SLC24A3: variants seen among roughly 807,000 people sequenced by gnomAD.
The protein encoded by SLC24A3 is solute carrier family 24 member 3.
Under a neutral mutation model 75.8 loss-of-function variants are expected in SLC24A3, and 28 were observed. The observed-to-expected ratio is 0.37, with a 90% confidence interval of 0.27 to 0.51. The LOEUF (loss-of-function observed/expected upper bound fraction) is 0.51, where lower values mean the gene tolerates loss of function less well. SLC24A3 is among the 20% of genes least tolerant of loss of function. The probability of loss-of-function intolerance (pLI) is 0.94; values close to 1 mark genes in which losing one functional copy is unlikely to be tolerated. For missense variants in SLC24A3, 663 were observed against 847.8 expected, an observed-to-expected ratio of 0.78 and a Z score of 2.71; for synonymous variants, 372 against 334.1, an observed-to-expected ratio of 1.11 and a Z score of -1.24.
intron 2 of SLC24A3, among the ~76,000 whole-genome samples, chr20:19,352,832 T>C (rs141325617): frequency 2.4e-4 from 36 of 152,354 alleles, no homozygotes; most frequent in African/African-American, 6.5e-4. Flanking sequence ...TTTATTGTCA[T>C]GTGTCTTGTA....
intron 15 of SLC24A3, among the ~76,000 whole-genome samples, chr20:19,699,511 T>C (rs929875015): frequency 4.6e-5 from 7 of 152,224 alleles, no homozygotes; most frequent in African/African-American, 1.4e-4. Flanking sequence ...GCAGAAAGCA[T>C]GTGCTTATTT....
chr20:19,511,419 T>C (rs1052489820), intron 2 of SLC24A3, among the ~76,000 whole-genome samples: 4 of 151,328 alleles, frequency 2.6e-5, no homozygotes, highest in African/African-American at 9.7e-5. Flanking sequence ...GCTCCGCCTC[T>C]CAGGTTCACG....
At chr20:19,461,907 T>G in intron 2 of SLC24A3, among the ~76,000 whole-genome samples, 1 of 152,190 alleles carries the variant, frequency 6.6e-6, no homozygotes, top group Non-Finnish European at 1.5e-5. Context: ...TTTTCCCCAT[T>G]TATGAGAGGT....
chr20:19,465,212 T>G (rs1299088998), intron 2 of SLC24A3, among the ~76,000 whole-genome samples: 1 of 152,142 alleles, frequency 6.6e-6, no homozygotes, highest in Non-Finnish European at 1.5e-5. Context: ...CTCGGCTCAT[T>G]TACATTGGAG....
intron 2 of SLC24A3, among the ~76,000 whole-genome samples, chr20:19,394,854 A>G (rs1472941416): frequency 6.6e-6 from 1 of 152,216 alleles, no homozygotes; most frequent in African/African-American, 2.4e-5. Flanking sequence ...TGATCCAGCA[A>G]TTCCACTTCT....
chr20:19,512,486 ACCT>A (rs1229892173), intron 2 of SLC24A3, among the ~76,000 whole-genome samples: 2 of 151,812 alleles, frequency 1.3e-5, no homozygotes, highest in Non-Finnish European at 2.9e-5. Context: ...CTGACAAGAA[ACCT>A]CCTCCACCAG....
chr20:19,320,176 T>C (rs1259302789), intron 2 of SLC24A3, among the ~76,000 whole-genome samples: 1 of 152,200 alleles, frequency 6.6e-6, no homozygotes, highest in Non-Finnish European at 1.5e-5. Context: ...TGTAGCTGTT[T>C]TGTGGCTTTG....
chr20:19,593,496 C>T lies in SLC24A3; in HGVS notation c.612+7952C>T, dbSNP rs75928462. Among the ~76,000 whole-genome samples, 1,148 of 152,314 alleles carry T rather than the reference C, an allele frequency of 7.5e-3. 13 individuals are homozygous for T. Among genetic ancestry groups the T allele is most frequent in the African/African-American group, 0.026 (1,065 of 41,566 alleles). Reference sequence around the variant, plus strand: ...ACTTACCTTGTGGCAGGCACTGTCTCGCAGCGTTACATATGTGAACTCATT... The same window carrying T: ...ACTTACCTTGTGGCAGGCACTGTCTTGCAGCGTTACATATGTGAACTCATT... On this transcript the variant is annotated intron_variant, in intron 6 of 16. Transcript: ENST00000328041.
chr20:19,585,373 T>G, intron 5 of SLC24A3, 68 bp from the exon 6 acceptor site: 3 of 1,445,644 alleles, frequency 2.1e-6, no homozygotes, highest in Non-Finnish European at 2.9e-6. Flanking sequence ...TTATGAAAGG[T>G]TCCCCATGCC....
chr20:19,677,286 C>T (rs1398716830), intron 9 of SLC24A3, among the ~76,000 whole-genome samples: 3 of 143,706 alleles, frequency 2.1e-5, no homozygotes, highest in African/African-American at 8.1e-5. Flanking sequence ...ATAGCAAGAC[C>T]CCGTTCCAAA....
chr20:19,716,371 A>T (rs767123573), intron 15 of SLC24A3, among the ~76,000 whole-genome samples: 1 of 151,194 alleles, frequency 6.6e-6, no homozygotes, highest in Non-Finnish European at 1.5e-5. Flanking sequence ...CCACAACCAC[A>T]TGTGGCTCTT....
intron 2 of SLC24A3, among the ~76,000 whole-genome samples, chr20:19,319,079 C>T (rs1355656632): frequency 6.6e-6 from 1 of 152,134 alleles, no homozygotes; most frequent in Non-Finnish European, 1.5e-5. Flanking sequence ...AGTGAGTTCA[C>T]TGCACTGCTG....
intron 1 of SLC24A3, among the ~76,000 whole-genome samples, chr20:19,251,409 C>G (rs1982649982): frequency 6.6e-6 from 1 of 152,166 alleles, no homozygotes; most frequent in Non-Finnish European, 1.5e-5. Flanking sequence ...TCGCCAGTGT[C>G]TTGGTTTGGG....
At chr20:19,486,791 A>T (rs946802825) in intron 2 of SLC24A3, among the ~76,000 whole-genome samples, 1 of 152,252 alleles carries the variant, frequency 6.6e-6, no homozygotes. Context: ...AAGTGGAAGG[A>T]TGTGGATTCC....
chr20:19,589,179 G>C (rs1752659379), intron 6 of SLC24A3, among the ~76,000 whole-genome samples: 1 of 152,268 alleles, frequency 6.6e-6, no homozygotes, highest in Admixed American at 6.5e-5. Flanking sequence ...TTGTGGGACA[G>C]TGTGGAAGGA....
intron 15 of SLC24A3, among the ~76,000 whole-genome samples, chr20:19,705,740 A>T (rs2032923405): frequency 6.6e-6 from 1 of 152,112 alleles, no homozygotes; most frequent in African/African-American, 2.4e-5. Flanking sequence ...TTTCCAAGTC[A>T]TAATTATCTG....
intron 2 of SLC24A3, among the ~76,000 whole-genome samples, chr20:19,423,567 G>A (rs1986951951): frequency 6.6e-6 from 1 of 152,162 alleles, no homozygotes; most frequent in Non-Finnish European, 1.5e-5. Flanking sequence ...TTCTGTTTCT[G>A]TTTTGGTATA....
intron 6 of SLC24A3, among the ~76,000 whole-genome samples, chr20:19,643,395 GA>G (rs1225793842): frequency 6.6e-6 from 1 of 152,170 alleles, no homozygotes; most frequent in East Asian, 1.9e-4. Context: ...GATGAAACCA[GA>G]AAACCTTGGA....
intron 6 of SLC24A3, among the ~76,000 whole-genome samples, chr20:19,596,476 A>C (rs2031454861): frequency 6.6e-6 from 1 of 152,236 alleles, no homozygotes; most frequent in African/African-American, 2.4e-5. Flanking sequence ...TTCAGAAAGT[A>C]GGCATCCTGT....
Sources: allele counts gnomAD v4.1 joint callset (sites outside exome capture counted in the v4.1 genomes callset), GRCh38; gene constraint gnomAD v4.1.1; transcripts MANE v1.5; gene names NCBI Gene and HGNC (gene_info 2026-07-23, HGNC 2026-07-21).